Variants in RNF10 observed in about 807,000 individuals in gnomAD.
The protein encoded by RNF10 is ring finger protein 10.
A neutral mutation model predicts 91.4 loss-of-function variants in RNF10; 38 were observed. The observed-to-expected ratio is 0.42, with a 90% confidence interval of 0.32 to 0.54. The LOEUF (loss-of-function observed/expected upper bound fraction) is 0.54. Among genes scored for constraint, RNF10 ranks in the 20% least tolerant of loss-of-function variants. The probability of loss-of-function intolerance (pLI) is 0.16; values close to 1 mark genes in which losing one functional copy is unlikely to be tolerated. For synonymous variants in RNF10, 364 were observed against 366.3 expected, an observed-to-expected ratio of 0.99 and a Z score of 0.07; for missense variants, 945 against 1,012.0, an observed-to-expected ratio of 0.93 and a Z score of 0.90.
rs1243050601 is a variant in RNF10, at chr12:120,553,401, C to CTT, written c.554+721_554+722dup. ...CCATGCCCAGCCAGGAAGAGGAATT[C>CTT]TTTTTTTTTTTTTTTTTTTGAGACA... On this transcript the variant is annotated intron_variant, in intron 3 of 16. Coordinates refer to ENST00000325954, the MANE Select transcript of RNF10 (RefSeq NM_014868.5). Among the ~76,000 whole-genome samples, 550 of 95,036 alleles carry CTT rather than the reference C, an allele frequency of 5.8e-3. 2 individuals are homozygous for CTT. The highest frequency in any genetic ancestry group is 0.011 in the African/African-American group (271 of 24,694). 62.3% of individuals were successfully genotyped at this position (95,036 alleles called of 152,430 possible).
chr12:120,577,083 C>T lies in RNF10; in HGVS notation c.*417C>T. On this transcript the variant is annotated 3_prime_UTR_variant, in exon 17 of 17. Coordinates refer to ENST00000325954, the MANE Select transcript of RNF10 (RefSeq NM_014868.5). ...GGACTCAGTACACCTCTCAGTTTGT[C>T]TTTTAAAAAACAGCTGAATCTTTAC... 2.4e-6 allele frequency: 1 copy of T among 418,744 alleles called. No individual in the cohort carries two copies. The highest frequency in any genetic ancestry group is 1.8e-5 in the South Asian group (1 of 56,728). 25.9% of individuals were successfully genotyped at this position (418,744 alleles called of 1,614,324 possible). A position where few individuals can be genotyped will look rare whatever the true frequency, so the allele number is the denominator to read the frequency against.
At chr12:120,556,844 T>C (rs1874100831) in intron 4 of RNF10, among the ~76,000 whole-genome samples, 1 of 152,030 alleles carries the variant, frequency 6.6e-6, no homozygotes, top group South Asian at 2.1e-4. Flanking sequence ...GTTTCCTTGA[T>C]GCTTTGCTTA....
Position 120,567,429 on chromosome 12 carries a change from G to A in RNF10, c.2041+449G>A, listed in dbSNP as rs140592884. Among the ~76,000 whole-genome samples, 855 of 152,212 alleles carry A rather than the reference G, an allele frequency of 5.6e-3. 7 individuals carry two copies. The highest frequency in any genetic ancestry group is 0.019 in the African/African-American group (793 of 41,536). On this transcript the variant is annotated intron_variant, in intron 13 of 16. Coordinates refer to ENST00000325954, the MANE Select transcript of RNF10 (RefSeq NM_014868.5). ...AATGTTTCACACCAGAAGGCCGGGC[G>A]TGGTGGCTTATGCCTGTAATCCCAG... is the stretch of plus-strand genomic sequence containing the variant.
At chr12:120,540,854 CTTT>C (rs34034209) in intron 1 of RNF10, among the ~76,000 whole-genome samples, 38,392 of 137,618 alleles carry the variant, frequency 0.28, 5,591 homozygotes, top group East Asian at 0.51. Flanking sequence ...AGTTTACTTT[CTTT>C]TTTTTTTTTT....
chr12:120,535,116 T>G, intron 1 of RNF10, 148 bp downstream of exon 1: 2 of 887,040 alleles, frequency 2.3e-6, no homozygotes, highest in Non-Finnish European at 3.3e-6. Flanking sequence ...CATTTGCAGT[T>G]ACATTAATGA....
chr12:120,562,606 C>T (rs1449191534), intron 7 of RNF10, among the ~76,000 whole-genome samples: 1 of 152,016 alleles, frequency 6.6e-6, no homozygotes, highest in East Asian at 1.9e-4. Context: ...GATTTATATT[C>T]CTTTGGCTAT....
chr12:120,571,165 T>C (rs1365912971), intron 13 of RNF10, 26 bp from the exon 14 acceptor site: 16 of 1,522,816 alleles, frequency 1.1e-5, no homozygotes, highest in African/African-American at 1.4e-5. Flanking sequence ...GTGACGAATA[T>C]AATCAGGTCT....
intron 7 of RNF10, among the ~76,000 whole-genome samples, chr12:120,562,643 A>G (rs1803716204): frequency 1.3e-5 from 2 of 152,070 alleles, no homozygotes; most frequent in Admixed American, 6.6e-5. Context: ...TTGCTGGGTG[A>G]AATTTTATTT....
intron 1 of RNF10, chr12:120,539,371 T>A (rs1405602174): frequency 7.8e-7 from 1 of 1,282,786 alleles, no homozygotes. Context: ...CATTCAGAAT[T>A]ACTAATTTCA....
chr12:120,577,455 C>G lies in RNF10; in HGVS notation c.*789C>G. The G allele has an allele frequency of 1.1e-5, 3 of 283,568 alleles. No homozygotes were observed. Among genetic ancestry groups the G allele is most frequent in the South Asian group, 8.5e-5 (3 of 35,400 alleles). The allele number at this position is 283,568 out of a possible 1,614,324, so 17.6% of individuals were successfully genotyped here. A position where few individuals can be genotyped will look rare whatever the true frequency, so the allele number is the denominator to read the frequency against. Reference sequence around the variant, plus strand: ...GCGGTAGCATTGCCACCATCTCCCTCTCATCTAGAGCAGTTTTCTTATGCC... The same window carrying G: ...GCGGTAGCATTGCCACCATCTCCCTGTCATCTAGAGCAGTTTTCTTATGCC... On this transcript the variant is annotated 3_prime_UTR_variant, in exon 17 of 17. Transcript: ENST00000325954.
intron 8 of RNF10, 31 bp downstream of exon 8, chr12:120,563,101 C>T (rs769715679): frequency 1.1e-5 from 17 of 1,613,464 alleles, no homozygotes; most frequent in African/African-American, 2.7e-5. Flanking sequence ...AAGTGGCTGC[C>T]GTTCCTCAAA....
chr12:120,570,330 G>T (rs531054646), intron 13 of RNF10: 1 of 151,772 alleles, frequency 6.6e-6, no homozygotes, highest in East Asian at 1.9e-4. Flanking sequence ...GGGATTACAG[G>T]TGCCCGCCAC....
At chr12:120,549,825 A>T (rs201011098) in intron 2 of RNF10, among the ~76,000 whole-genome samples, 5 of 152,134 alleles carry the variant, frequency 3.3e-5, no homozygotes, top group East Asian at 3.9e-4. Context: ...ATAAAAATTT[A>T]AAAAAGGAAG....
At position 120,543,018 on chromosome 12, in the gene RNF10, C is replaced by T. The variant is rs530687754; in HGVS notation, c.158-3387C>T. Among the ~76,000 whole-genome samples the T allele has an allele frequency of 3.6e-5, 3 of 83,990 alleles. No individual in the cohort carries two copies. In the Admixed American group the frequency reaches 5.1e-4, roughly 14 times the overall value. The allele number at this position is 83,990 out of a possible 152,430, so 55.1% of individuals were successfully genotyped here. ...TGGTCAGGTTTGGAGAGAATGACAT[C>T]TCATTTATACAGTGAGGTTGACAGA... is the stretch of plus-strand genomic sequence containing the variant. On this transcript the variant is annotated intron_variant, in intron 1 of 16. Coordinates refer to ENST00000325954, the MANE Select transcript of RNF10 (RefSeq NM_014868.5).
At chr12:120,541,849 C>A (rs1871619963) in intron 1 of RNF10, among the ~76,000 whole-genome samples, 1 of 151,720 alleles carries the variant, frequency 6.6e-6, no homozygotes, top group South Asian at 2.1e-4. Context: ...AACTCTTGAA[C>A]CACTGTGCCT....
chr12:120,574,751 CCCCGT>C (rs964600343), intron 14 of RNF10: 3 of 284,802 alleles, frequency 1.1e-5, no homozygotes, highest in Admixed American at 9.3e-5. Context: ...CATGGAGAAA[CCCCGT>C]CTTTACTAAA....
At chr12:120,576,046 C>T in intron 16 of RNF10, 96 bp downstream of exon 16, 3 of 1,290,452 alleles carry the variant, frequency 2.3e-6, no homozygotes, top group Non-Finnish European at 3.3e-6. Context: ...ACTAATTAGG[C>T]TCTTTCCCTT....
At chr12:120,574,388 G>GT (rs1877093932) in intron 14 of RNF10, 3 of 453,844 alleles carry the variant, frequency 6.6e-6, no homozygotes, top group South Asian at 4.7e-5. Context: ...GCCTTCAGCA[G>GT]TTACAAAGCT....
At chr12:120,569,659 C>T (rs1249316609) in intron 13 of RNF10, among the ~76,000 whole-genome samples, 6 of 150,526 alleles carry the variant, frequency 4.0e-5, no homozygotes, top group Non-Finnish European at 8.8e-5. Flanking sequence ...GTGCCTCAGC[C>T]TCCCGAGTAG....
Sources: gnomAD v4.1 joint callset for allele counts (sites outside exome capture counted in the v4.1 genomes callset) on GRCh38, gnomAD v4.1.1 for gene constraint, MANE v1.5 for transcripts, NCBI Gene and HGNC (gene_info 2026-07-23, HGNC 2026-07-21) for gene names.